SLC35D4: variants seen among roughly 807,000 people sequenced by gnomAD.
SLC35D4 encodes the protein solute carrier family 35 member D4.
the SLC35D4 span, among the ~76,000 whole-genome samples, chr18:23,341,961 T>A: frequency 6.7e-6 from 1 of 150,184 alleles, no homozygotes; most frequent in Non-Finnish European, 1.5e-5. Flanking sequence ...GACTTGAAAC[T>A]AGTTGTCAAA....
At chr18:23,340,200 G>GA in the SLC35D4 span, among the ~76,000 whole-genome samples, 1 of 152,112 alleles carries the variant, frequency 6.6e-6, no homozygotes, top group Non-Finnish European at 1.5e-5. Flanking sequence ...AGCCTGGCAT[G>GA]GTGGTGCGTG....
the SLC35D4 span, among the ~76,000 whole-genome samples, chr18:23,266,916 G>C: frequency 2.0e-5 from 3 of 152,226 alleles, no homozygotes; most frequent in Non-Finnish European, 4.4e-5. Flanking sequence ...AGTGACTCCT[G>C]GTTCGCTGAT....
At chr18:23,247,918 G>A in the SLC35D4 span, among the ~76,000 whole-genome samples, 8 of 152,344 alleles carry the variant, frequency 5.3e-5, no homozygotes, top group Non-Finnish European at 8.8e-5. Flanking sequence ...CAAGGGTCTC[G>A]CAGCATCTGC....
chr18:23,420,291 G>A, the SLC35D4 span, among the ~76,000 whole-genome samples: 2 of 152,184 alleles, frequency 1.3e-5, no homozygotes, highest in South Asian at 2.1e-4. Flanking sequence ...CAACAAGAGC[G>A]AAACTCCATC....
At chr18:23,256,466 C>T in the SLC35D4 span, among the ~76,000 whole-genome samples, 7 of 152,136 alleles carry the variant, frequency 4.6e-5, no homozygotes, top group Non-Finnish European at 7.3e-5. Flanking sequence ...TATTGTCGTG[C>T]GTGGTTTGCT....
the SLC35D4 span, among the ~76,000 whole-genome samples, chr18:23,301,380 G>A: frequency 6.6e-6 from 1 of 152,162 alleles, no homozygotes; most frequent in Non-Finnish European, 1.5e-5. Flanking sequence ...GAGTGTGATG[G>A]GGGGACGTTT....
At chr18:23,363,397 G>GA in the SLC35D4 span, among the ~76,000 whole-genome samples, 1 of 70,160 alleles carries the variant, frequency 1.4e-5, no homozygotes, top group Non-Finnish European at 2.3e-5. Context: ...TTTTTTTTGA[G>GA]ATGGAGTCTC....
the SLC35D4 span, among the ~76,000 whole-genome samples, chr18:23,410,530 C>T: frequency 6.0e-5 from 9 of 150,658 alleles, no homozygotes; most frequent in Non-Finnish European, 1.3e-4. Context: ...GGGGGCTGGG[C>T]GTAGTGGCTC....
chr18:23,248,982 A>T, the SLC35D4 span, among the ~76,000 whole-genome samples: 1 of 152,192 alleles, frequency 6.6e-6, no homozygotes, highest in Non-Finnish European at 1.5e-5. Flanking sequence ...TGGGACCAGG[A>T]CTCTGGCTTT....
chr18:23,364,919 AAAAAAAAAAAAAAAG>A, the SLC35D4 span, among the ~76,000 whole-genome samples: 1,037 of 3,748 alleles, frequency 0.28, 195 homozygotes, highest in African/African-American at 0.3. Flanking sequence ...AAAAAAAAAA[AAAAAAAAAAAAAAAG>A]GACTCCTTTC....
the SLC35D4 span, among the ~76,000 whole-genome samples, chr18:23,299,152 G>A: frequency 6.6e-6 from 1 of 152,214 alleles, no homozygotes; most frequent in African/African-American, 2.4e-5. Context: ...GCAGGCATTT[G>A]TTAGTCAGGT....
At chr18:23,249,762 G>A in the SLC35D4 span, among the ~76,000 whole-genome samples, 4 of 152,016 alleles carry the variant, frequency 2.6e-5, no homozygotes, top group African/African-American at 4.8e-5. Flanking sequence ...CCCCGCCCCC[G>A]ACAGCCCTTT....
At chr18:23,337,303 C>A in the SLC35D4 span, among the ~76,000 whole-genome samples, 1 of 149,186 alleles carries the variant, frequency 6.7e-6, no homozygotes, top group South Asian at 2.2e-4. Context: ...GAAACCCCCT[C>A]TCTACTAAAA....
At chr18:23,335,426 C>T in the SLC35D4 span, among the ~76,000 whole-genome samples, 3 of 152,146 alleles carry the variant, frequency 2.0e-5, no homozygotes, top group East Asian at 3.9e-4. Context: ...GGCCATTGTC[C>T]GCCCTCTGGT....
the SLC35D4 span, among the ~76,000 whole-genome samples, chr18:23,347,329 A>G: frequency 1.3e-5 from 2 of 152,198 alleles, no homozygotes; most frequent in East Asian, 1.9e-4. Flanking sequence ...GTTATCTACA[A>G]TATACAATCC....
At chr18:23,356,776 C>A in the SLC35D4 span, 3 of 851,576 alleles carry the variant, frequency 3.5e-6, no homozygotes, top group Non-Finnish European at 5.6e-6. The surrounding 1 kb of genome is among the most constrained non-coding windows in gnomAD (Gnocchi z 4.1). Flanking sequence ...TGCTTTCAGT[C>A]CCCTGGCATT....
chr18:23,308,888 G>GTC, the SLC35D4 span, among the ~76,000 whole-genome samples: 3 of 150,314 alleles, frequency 2.0e-5, no homozygotes, highest in African/African-American at 7.5e-5. Flanking sequence ...GTGTGTGTGT[G>GTC]TGTGTGTGTG....
At chr18:23,284,125 C>G in the SLC35D4 span, among the ~76,000 whole-genome samples, 1 of 152,284 alleles carries the variant, frequency 6.6e-6, no homozygotes, top group South Asian at 2.1e-4. Flanking sequence ...AACCAAAGGT[C>G]ACTTTCATTG....
chr18:23,304,088 G>A, the SLC35D4 span, among the ~76,000 whole-genome samples: 1 of 150,514 alleles, frequency 6.6e-6, no homozygotes, highest in East Asian at 1.9e-4. Context: ...GGCTAACACG[G>A]TGAAACCTCG....
Sources: gnomAD v4.1 joint callset for allele counts (sites outside exome capture counted in the v4.1 genomes callset) on GRCh38, gnomAD v4.1.1 for gene constraint, Gnocchi (gnomAD v3.1) non-coding constraint, MANE v1.5 for transcripts, NCBI Gene and HGNC (gene_info 2026-07-23, HGNC 2026-07-21) for gene names.